The following RFC4 variants were observed in gnomAD, a reference collection of about 807,000 sequenced individuals.
RFC4 encodes the protein A1 37 kDa subunit.
A neutral mutation model predicts 47.6 loss-of-function variants in RFC4; 38 were observed. That is an observed-to-expected ratio of 0.80 (90% CI 0.62 to 1.05). The LOEUF is 1.05. Among genes scored for constraint, RFC4 ranks in the 50% least tolerant of loss-of-function variants. The probability of loss-of-function intolerance (pLI) is 0.00; values close to 1 mark genes in which losing one functional copy is unlikely to be tolerated. For synonymous variants in RFC4, 164 were observed against 150.0 expected, an observed-to-expected ratio of 1.09 and a Z score of -0.68; for missense variants, 489 against 434.0, an observed-to-expected ratio of 1.13 and a Z score of -1.13.
chr3:186,790,508 T>C (rs1439156962), intron 8 of RFC4, 102 bp from the exon 9 acceptor site: 5 of 813,864 alleles, frequency 6.1e-6, no homozygotes, highest in South Asian at 4.2e-5. Flanking sequence ...GTTCCACACC[T>C]AAGTTCCATA....
Position 186,790,268 on chromosome 3 carries a change from A to AT in RFC4, c.883-14_883-13insA. On this transcript the variant is annotated splice_polypyrimidine_tract_variant and intron_variant, in intron 9 of 10. Coordinates refer to ENST00000296273, the MANE Select transcript of RFC4 (RefSeq NM_002916.5). ...CATCTATTAAATCCTATAATAAAAA[A>AT]AACTTTTGGTATGATGACTTAATAT... is the stretch of plus-strand genomic sequence containing the variant. 1 of 1,611,850 alleles carries AT rather than the reference A, an allele frequency of 6.2e-7. No individual in the cohort carries two copies. The highest frequency in any genetic ancestry group is 8.5e-7 in the Non-Finnish European group (1 of 1,178,170).
At chr3:186,797,637 T>A (rs770261172) in intron 3 of RFC4, 23 bp from the exon 4 acceptor site, 2 of 1,505,322 alleles carry the variant, frequency 1.3e-6, no homozygotes, top group South Asian at 2.3e-5. Context: ...AATTTTATTT[T>A]TAATAAATGG....
chr3:186,804,599 G>T lies in RFC4; in HGVS notation c.115C>A (p.Pro39Thr). Residue 39 changes from proline (P) to threonine (T), a missense_variant, in exon 2 of 11, where the codon CCC (proline) becomes ACC (threonine). Physicochemically the swap from Pro to Thr is conservative, Grantham distance 38 (BLOSUM62 -1). This residue lies in a region of RFC4 where 206 missense variants were observed against 257.8 expected (regional missense o/e 0.80). Coordinates refer to ENST00000296273, the MANE Select transcript of RFC4 (RefSeq NM_002916.5). Reference sequence around the variant, plus strand: ...TGTTCTTACTATTTTTCCACCCAGGGAACGGGTTTGGCTTTCTTGTTCTCT... The same window carrying T: ...TGTTCTTACTATTTTTCCACCCAGGTAACGGGTTTGGCTTTCTTGTTCTCT... ...SGENKKAKPV[P>T]WVEKYRPKCV... The T allele has an allele frequency of 6.2e-7, 1 of 1,613,796 alleles. No individual in the cohort carries two copies. The highest frequency in any genetic ancestry group is 8.5e-7 in the Non-Finnish European group (1 of 1,179,944).
chr3:186,804,788 T>C (rs1370969337), intron 1 of RFC4, 64 bp from the exon 2 acceptor site: 3 of 1,513,304 alleles, frequency 2.0e-6, no homozygotes, highest in Admixed American at 1.9e-5. Context: ...ATCAGCACCA[T>C]AGGAAAGCGG....
At chr3:186,804,896 T>A in intron 1 of RFC4, 172 bp from the exon 2 acceptor site, 1 of 588,970 alleles carries the variant, frequency 1.7e-6, no homozygotes. Context: ...CCCCATGACC[T>A]AGGACACTCT....
rs531013490 is a variant in RFC4 at position 186,790,655 on chromosome 3, T to C, written c.802-249A>G. 2.0e-5 allele frequency among the ~76,000 whole-genome samples: 3 copies of C among 152,210 alleles called. No homozygotes were observed. The East Asian group carries it at 5.8e-4, about 29-fold the overall frequency. ...ACTTCCAAGTTTGGGCACACATGGA[T>C]TATAGCTTGTTCTGGTCAGTGGATG... is the stretch of plus-strand genomic sequence containing the variant. On this transcript the variant is annotated intron_variant, in intron 8 of 10. Transcript: ENST00000296273.
At chr3:186,795,075 G>A (rs184499169) in intron 4 of RFC4, among the ~76,000 whole-genome samples, 1 of 152,332 alleles carries the variant, frequency 6.6e-6, no homozygotes, top group African/African-American at 2.4e-5. Context: ...CATGATGATG[G>A]CTCACTGCAG....
chr3:186,802,698 G>A (rs956121494), intron 2 of RFC4, among the ~76,000 whole-genome samples: 1 of 151,886 alleles, frequency 6.6e-6, no homozygotes, highest in Non-Finnish European at 1.5e-5. Flanking sequence ...CATACTTTTC[G>A]ATAAATCAGG....
intron 7 of RFC4, among the ~76,000 whole-genome samples, chr3:186,792,190 G>A (rs1277846270): frequency 6.6e-6 from 1 of 152,130 alleles, no homozygotes; most frequent in Non-Finnish European, 1.5e-5. Context: ...TGAAGTATTA[G>A]CTAGAAGACT....
At position 186,790,077 on chromosome 3, in the gene RFC4, T is replaced by C. The variant is rs767582944; in HGVS notation, c.997-13A>G. 3.1e-6 allele frequency: 5 copies of C among 1,610,908 alleles called. No individual in the cohort carries two copies. The highest frequency in any genetic ancestry group is 1.7e-5 in the Admixed American group (1 of 59,926). ...ATTTGTCAACTTCCTACGAGAAAAA[T>C]TTAAGAAATTAGCATCCTTCAGGTA... is the stretch of plus-strand genomic sequence containing the variant. On this transcript the variant is annotated splice_polypyrimidine_tract_variant and intron_variant, in intron 10 of 10. Coordinates refer to ENST00000296273, the MANE Select transcript of RFC4 (RefSeq NM_002916.5).
chr3:186,800,247 G>A (rs1722325353), intron 3 of RFC4, among the ~76,000 whole-genome samples: 1 of 152,122 alleles, frequency 6.6e-6, no homozygotes, highest in Non-Finnish European at 1.5e-5. Flanking sequence ...GTGAGCCACT[G>A]TGGCCGGCCA....
chr3:186,797,866 C>T (rs2108470918), intron 3 of RFC4, among the ~76,000 whole-genome samples: 1 of 152,298 alleles, frequency 6.6e-6, no homozygotes, highest in East Asian at 1.9e-4. Flanking sequence ...TTTATGCTTG[C>T]TCTATAGCTA....
intron 3 of RFC4, among the ~76,000 whole-genome samples, chr3:186,800,300 G>A (rs1325440342): frequency 6.6e-6 from 1 of 152,100 alleles, no homozygotes; most frequent in East Asian, 1.9e-4. Context: ...ACACATACTG[G>A]TAAAGAAAAA....
rs997659466 is a variant in RFC4 at position 186,796,885 on chromosome 3, T to C, written c.290+650A>G. 1.3e-5 allele frequency among the ~76,000 whole-genome samples: 2 copies of C among 152,232 alleles called. No individual in the cohort carries two copies. The highest frequency in any genetic ancestry group is 6.5e-5 in the Admixed American group (1 of 15,284). On this transcript the variant is annotated intron_variant, in intron 4 of 10. Transcript: ENST00000296273. This position sits in a 1 kb window ranked among gnomAD's most constrained non-coding sequence, Gnocchi z 4.2. ...GTTATGTTGGTGCATGTTTCATGTA[T>C]ATCAGACCCAGCCCACTACACATCT...
intron 8 of RFC4, among the ~76,000 whole-genome samples, chr3:186,790,748 C>G (rs1242075048): frequency 6.6e-6 from 1 of 152,186 alleles, no homozygotes; most frequent in African/African-American, 2.4e-5. Context: ...ATCAAAAAGA[C>G]TGATTTCTTT....
Position 186,791,799 on chromosome 3 carries a change from T to A in RFC4, c.727A>T (p.Thr243Ser). Reference sequence around the variant, plus strand: ...AATCGAGTAGCGCTTTGAAGAAATGTAATGGCTTTTCTTAAGTCTCCTTCT... The same window carrying A: ...AATCGAGTAGCGCTTTGAAGAAATGAAATGGCTTTTCTTAAGTCTCCTTCT... ...VSEGDLRKAITFLQSATRLTG... is the reference protein window; with the variant it reads ...VSEGDLRKAISFLQSATRLTG... Residue 243 changes from threonine to serine, a missense_variant, in exon 8 of 11, where the codon ACA (threonine) becomes TCA (serine). Transcript: ENST00000296273. The A allele has an allele frequency of 6.2e-7, 1 of 1,609,164 alleles. No homozygotes were observed. Among genetic ancestry groups the A allele is most frequent in the Non-Finnish European group, 8.5e-7 (1 of 1,175,506 alleles).
At position 186,797,082 on chromosome 3, in the gene RFC4, C is replaced by T. The variant is rs370816484; in HGVS notation, c.290+453G>A. 1.6e-4 allele frequency among the ~76,000 whole-genome samples: 24 copies of T among 152,246 alleles called. 1 individual carries two copies. Among genetic ancestry groups the T allele is most frequent in the African/African-American group, 5.5e-4 (23 of 41,550 alleles). On this transcript the variant is annotated intron_variant, in intron 4 of 10. Transcript: ENST00000296273. Reference sequence around the variant, plus strand: ...GACCTGAGGCAAGGAGCTGGACTGGCCACTCCAGAGTCAGAGCCTAGGAAG... The same window carrying T: ...GACCTGAGGCAAGGAGCTGGACTGGTCACTCCAGAGTCAGAGCCTAGGAAG...
intron 1 of RFC4, 82 bp from the exon 2 acceptor site, chr3:186,804,806 G>C: frequency 1.5e-6 from 2 of 1,347,856 alleles, no homozygotes; most frequent in African/African-American, 1.5e-5. Context: ...CGGGGGTGGT[G>C]GTGGGGAACC....
chr3:186,791,840 T>C lies in RFC4; in HGVS notation c.686A>G (p.Tyr229Cys). 6.2e-7 allele frequency: 1 copy of C among 1,612,340 alleles called. No homozygotes were observed. The highest frequency in any genetic ancestry group is 1.1e-5 in the South Asian group (1 of 91,056). Residue 229 changes from tyrosine to cysteine, a missense_variant, in exon 8 of 11, where the codon TAT (tyrosine) becomes TGT (cysteine). Around this residue, in one of 2 missense-constraint regions of RFC4, gnomAD observed 283 missense variants for 176.2 expected, o/e 1.61. Transcript: ENST00000296273. Reference protein sequence around the residue: ...NVKISDEGIAYLVKVSEGDLR... With the variant: ...NVKISDEGIACLVKVSEGDLR... ...GTCTCCTTCTGACACTTTAACAAGATAAGCTATTCCCTGAAGAGAAAAGAG... is the reference window on the plus strand; with the variant it reads ...GTCTCCTTCTGACACTTTAACAAGACAAGCTATTCCCTGAAGAGAAAAGAG...
Sources: allele counts gnomAD v4.1 joint callset (sites outside exome capture counted in the v4.1 genomes callset), GRCh38; gene constraint gnomAD v4.1.1; regional missense constraint gnomAD v4.1.1; non-coding constraint Gnocchi (gnomAD v3.1); transcripts MANE v1.5; gene names NCBI Gene and HGNC (gene_info 2026-07-23, HGNC 2026-07-21).